GTF2E2: variants seen among roughly 807,000 people sequenced by gnomAD.
The protein encoded by GTF2E2 is transcription initiation factor IIE subunit beta.
A neutral mutation model predicts 40.5 loss-of-function variants in GTF2E2; 21 were observed. The observed-to-expected ratio is 0.52, with a 90% CI of 0.37 to 0.75. The LOEUF is 0.75. Ranked by LOEUF, GTF2E2 falls within the 30% of genes least tolerant of loss-of-function variation. The probability of loss-of-function intolerance (pLI) is 0.00; values close to 1 mark genes in which losing one functional copy is unlikely to be tolerated. For missense variants in GTF2E2, 298 were observed against 338.4 expected, an observed-to-expected ratio of 0.88 and a Z score of 0.94; for synonymous variants, 117 against 121.6, an observed-to-expected ratio of 0.96 and a Z score of 0.25.
chr8:30,635,155 A>G (rs778335713), intron 2 of GTF2E2, 32 bp from the exon 3 acceptor site: 6 of 1,118,414 alleles, frequency 5.4e-6, no homozygotes, highest in Non-Finnish European at 8.1e-6. Flanking sequence ...ACATCGTCAT[A>G]TTATGTGTGA....
intron 6 of GTF2E2, among the ~76,000 whole-genome samples, chr8:30,600,687 C>A (rs550457820): frequency 6.6e-6 from 1 of 152,158 alleles, no homozygotes; most frequent in Non-Finnish European, 1.5e-5. Flanking sequence ...ATTTATACTA[C>A]CTTTAAATGA....
chr8:30,586,319 C>A (rs1563472828), intron 6 of GTF2E2, among the ~76,000 whole-genome samples: 1 of 152,102 alleles, frequency 6.6e-6, no homozygotes, highest in Admixed American at 6.6e-5. Context: ...TGCACCCCCA[C>A]CCAAGATGTC....
intron 3 of GTF2E2, among the ~76,000 whole-genome samples, chr8:30,622,895 T>C (rs1379425858): frequency 6.6e-6 from 1 of 152,158 alleles, no homozygotes; most frequent in African/African-American, 2.4e-5. Flanking sequence ...CCTGTTCTTT[T>C]TTCAAGGTGC....
intron 4 of GTF2E2, among the ~76,000 whole-genome samples, chr8:30,612,739 G>A (rs1309716902): frequency 6.6e-6 from 1 of 152,080 alleles, no homozygotes; most frequent in Non-Finnish European, 1.5e-5. Context: ...TAGAGACGGG[G>A]TTTCACCACA....
At chr8:30,621,144 T>C (rs964383244) in intron 3 of GTF2E2, among the ~76,000 whole-genome samples, 3 of 152,046 alleles carry the variant, frequency 2.0e-5, no homozygotes, top group Non-Finnish European at 4.4e-5. Flanking sequence ...TCCTTTACAT[T>C]AAAAGTTTTT....
chr8:30,592,350 A>G (rs1412527836), intron 6 of GTF2E2, among the ~76,000 whole-genome samples: 2 of 152,228 alleles, frequency 1.3e-5, no homozygotes. Context: ...ACTGCACTCC[A>G]GCCTATACAG....
At chr8:30,628,577 T>C (rs1585982312) in intron 3 of GTF2E2, among the ~76,000 whole-genome samples, 1 of 152,230 alleles carries the variant, frequency 6.6e-6, no homozygotes. Context: ...GGCTGCTCTA[T>C]TGCATTGAGG....
intron 6 of GTF2E2, among the ~76,000 whole-genome samples, chr8:30,595,057 A>C (rs1193985612): frequency 6.6e-6 from 1 of 152,118 alleles, no homozygotes; most frequent in Non-Finnish European, 1.5e-5. Context: ...AGCTGGATAC[A>C]TTTGTATGAT....
chr8:30,611,430 A>C (rs746122523), intron 5 of GTF2E2, among the ~76,000 whole-genome samples: 2 of 152,232 alleles, frequency 1.3e-5, no homozygotes, highest in South Asian at 2.1e-4. Flanking sequence ...AATCATACTT[A>C]AGGGTGTAAC....
intron 6 of GTF2E2, among the ~76,000 whole-genome samples, chr8:30,600,248 T>C (rs907674798): frequency 6.6e-5 from 10 of 152,180 alleles, no homozygotes; most frequent in African/African-American, 1.9e-4. Context: ...TGCTATCTGT[T>C]TAACCAAACA....
intron 1 of GTF2E2, among the ~76,000 whole-genome samples, chr8:30,655,310 T>G (rs1308956218): frequency 6.6e-6 from 1 of 152,136 alleles, no homozygotes; most frequent in East Asian, 1.9e-4. Flanking sequence ...TCAAAGCAAT[T>G]TCACTACAAC....
intron 2 of GTF2E2, among the ~76,000 whole-genome samples, chr8:30,644,022 AACT>A (rs1322320254): frequency 6.6e-6 from 1 of 152,232 alleles, no homozygotes; most frequent in East Asian, 1.9e-4. Flanking sequence ...AATGAAGTAG[AACT>A]ACATTTTTTC....
chr8:30,630,859 TAATCTGTGAGCAATTGTTTA>T (rs1801420237), intron 3 of GTF2E2, among the ~76,000 whole-genome samples: 1 of 152,160 alleles, frequency 6.6e-6, no homozygotes, highest in Admixed American at 6.6e-5. Flanking sequence ...TAATCTATCA[TAATCTGTGAGCAATTGTTTA>T]AAGTTTCCTC....
Position 30,578,994 on chromosome 8 carries a change from C to CGCTTTTTCTGTGAAGCAG in GTF2E2, c.785_802dup (p.Pro262_Lys267dup). ...GTGTTCGTTATGAGTCTTAAAGCGT[C>CGCTTTTTCTGTGAAGCAG]GCTTTTTCTGTGAAGCAGGCTTTTT... On this transcript the variant is annotated inframe_insertion, in exon 8 of 8. Coordinates refer to ENST00000355904, the MANE Select transcript of GTF2E2 (RefSeq NM_002095.6). 6.2e-7 allele frequency: 1 copy of CGCTTTTTCTGTGAAGCAG among 1,610,990 alleles called. No homozygotes were observed. The highest frequency in any genetic ancestry group is 8.5e-7 in the Non-Finnish European group (1 of 1,177,190).
chr8:30,632,611 T>C (rs557440382), intron 3 of GTF2E2, among the ~76,000 whole-genome samples: 162 of 152,330 alleles, frequency 1.1e-3, no homozygotes, highest in African/African-American at 3.7e-3. Flanking sequence ...TGCTTCTGAA[T>C]ATATCAGATT....
chr8:30,598,047 C>T (rs1360758051), intron 6 of GTF2E2, among the ~76,000 whole-genome samples: 1 of 152,190 alleles, frequency 6.6e-6, no homozygotes, highest in Non-Finnish European at 1.5e-5. Flanking sequence ...TTGTTAAGTT[C>T]TAATTTATCA....
At chr8:30,637,373 T>G (rs1214251620) in intron 2 of GTF2E2, 1 of 440,772 alleles carries the variant, frequency 2.3e-6, no homozygotes, top group African/African-American at 2.0e-5. Flanking sequence ...GATGCTTATG[T>G]CTCTGGCATC....
At chr8:30,645,722 A>T in intron 2 of GTF2E2, 2 of 1,000,212 alleles carry the variant, frequency 2.0e-6, no homozygotes, top group Non-Finnish European at 2.8e-6. Flanking sequence ...CATTTCTAGT[A>T]GAAGGGGAAA....
At chr8:30,646,638 ATAAC>A (rs920836415) in intron 2 of GTF2E2, among the ~76,000 whole-genome samples, 1 of 152,212 alleles carries the variant, frequency 6.6e-6, no homozygotes, top group Non-Finnish European at 1.5e-5. Context: ...AAAATTGAAA[ATAAC>A]TAAGACTTTA....
Sources: gnomAD v4.1 joint callset for allele counts (sites outside exome capture counted in the v4.1 genomes callset) on GRCh38, gnomAD v4.1.1 for gene constraint, MANE v1.5 for transcripts, NCBI Gene and HGNC (gene_info 2026-07-23, HGNC 2026-07-21) for gene names.